Variants in GOLGA1 observed in about 807,000 individuals in gnomAD.
GOLGA1 encodes the protein golgin A1.
A neutral mutation model predicts 119.7 loss-of-function variants in GOLGA1; 63 were observed. The observed-to-expected ratio is 0.53, with a 90% confidence interval of 0.43 to 0.65. GOLGA1 has a LOEUF of 0.65. Among genes scored for constraint, GOLGA1 ranks in the 30% least tolerant of loss-of-function variants. GOLGA1 has a pLI of 0.00. For missense variants in GOLGA1, 798 were observed against 912.8 expected, an observed-to-expected ratio of 0.87 and a Z score of 1.62; for synonymous variants, 318 against 333.4, an observed-to-expected ratio of 0.95 and a Z score of 0.50.
At chr9:124,880,635 C>G (rs1829555007) in intron 22 of GOLGA1, 25 bp from the exon 23 acceptor site, 2 of 1,465,318 alleles carry the variant, frequency 1.4e-6, no homozygotes. Flanking sequence ...GAAAAGGCTT[C>G]TGAGATGCAA....
At chr9:124,944,622 GT>G (rs922443501), upstream of GOLGA1, 2 of 151,922 alleles carry the variant, frequency 1.3e-5, no homozygotes, top group African/African-American at 4.8e-5. Context: ...ACAGTACATA[GT>G]TTTAATTTAG....
intron 15 of GOLGA1, among the ~76,000 whole-genome samples, chr9:124,892,960 C>T (rs1203477590): frequency 2.0e-5 from 3 of 150,524 alleles, no homozygotes; most frequent in Non-Finnish European, 4.4e-5. Flanking sequence ...AAGTGTATTT[C>T]TTAAATGTAA....
At chr9:124,885,574 A>C (rs138396724) in intron 19 of GOLGA1, among the ~76,000 whole-genome samples, 1 of 26,106 alleles carries the variant, frequency 3.8e-5, no homozygotes, top group Non-Finnish European at 8.1e-5. Flanking sequence ...ATGGTGAGGG[A>C]GGGTGGGGTT....
At chr9:124,903,333 C>T (rs528354979) in intron 12 of GOLGA1, among the ~76,000 whole-genome samples, 2 of 152,224 alleles carry the variant, frequency 1.3e-5, no homozygotes, top group South Asian at 2.1e-4. Flanking sequence ...GCTAAAAATA[C>T]AAGGCGTGGT....
chr9:124,909,322 ATGGGGCTGGGAGCGG>A (rs1224581536), intron 11 of GOLGA1, among the ~76,000 whole-genome samples: 3 of 150,410 alleles, frequency 2.0e-5, no homozygotes, highest in African/African-American at 7.4e-5. Context: ...AAAAAAAAAA[ATGGGGCTGGGAGCGG>A]TGGTTCACGC....
chr9:124,893,018 G>A (rs1309439579), intron 15 of GOLGA1, among the ~76,000 whole-genome samples: 1 of 151,254 alleles, frequency 6.6e-6, no homozygotes, highest in Admixed American at 6.6e-5. Flanking sequence ...TTATGTTTTT[G>A]GAAATGGGTT....
chr9:124,890,156 T>C (rs1829822374), intron 16 of GOLGA1, among the ~76,000 whole-genome samples: 1 of 152,122 alleles, frequency 6.6e-6, no homozygotes, highest in South Asian at 2.1e-4. Context: ...CAGGTAATTA[T>C]AGTTGAAAAA....
In GOLGA1 at chr9:124,881,112, C is replaced by A. The variant is rs1829569777; in HGVS notation, c.2223+59G>T. On this transcript the variant is annotated intron_variant, in intron 22 of 22. Coordinates refer to ENST00000373555, the MANE Select transcript of GOLGA1 (RefSeq NM_002077.4). The surrounding 1 kb of genome is among the most constrained non-coding windows in gnomAD (Gnocchi z 4.9). ...GGGTCTAAGGGGTCTTACACTGCTACTGCTGGGATAACTGACAACGTATCT... is the reference window on the plus strand; with the variant it reads ...GGGTCTAAGGGGTCTTACACTGCTAATGCTGGGATAACTGACAACGTATCT... 5 of 918,252 alleles carry A rather than the reference C, an allele frequency of 5.4e-6. No individual in the cohort carries two copies. The South Asian group carries it at 6.5e-5, about 12-fold the overall frequency. The allele number at this position is 918,252 out of a possible 1,614,324, so 56.9% of individuals were successfully genotyped here.
intron 8 of GOLGA1, 61 bp from the exon 9 acceptor site, chr9:124,921,953 C>T (rs138934441): frequency 2.6e-5 from 37 of 1,405,166 alleles, no homozygotes; most frequent in Non-Finnish European, 3.7e-5. Flanking sequence ...TAAGATCAGG[C>T]ATGCTGGCTC....
chr9:124,931,546 T>TA (rs1364265269), intron 3 of GOLGA1, 140 bp from the exon 4 acceptor site: 2 of 598,626 alleles, frequency 3.3e-6, no homozygotes, highest in Non-Finnish European at 6.1e-6. Context: ...CTAGTTTCTC[T>TA]ACCTGGAAAG....
chr9:124,944,987 T>C (rs1005522964), upstream of GOLGA1: 6 of 152,176 alleles, frequency 3.9e-5, no homozygotes, highest in Non-Finnish European at 8.8e-5. Context: ...TTAGCTTTCA[T>C]TCCATAAGCC....
intron 6 of GOLGA1, among the ~76,000 whole-genome samples, chr9:124,927,271 C>A (rs1162240588): frequency 6.6e-6 from 1 of 152,092 alleles, no homozygotes; most frequent in Non-Finnish European, 1.5e-5. Flanking sequence ...AGAATTATGC[C>A]CCTTATTCAC....
intron 12 of GOLGA1, among the ~76,000 whole-genome samples, 195 bp from the exon 13 acceptor site, chr9:124,900,742 G>T (rs1377748022): frequency 6.6e-6 from 1 of 152,128 alleles, no homozygotes; most frequent in Non-Finnish European, 1.5e-5. Flanking sequence ...CTCTTTTAAT[G>T]ACTTTTGTTT....
intron 15 of GOLGA1, among the ~76,000 whole-genome samples, chr9:124,894,852 C>G (rs547712528): frequency 2.6e-5 from 4 of 152,140 alleles, no homozygotes; most frequent in Non-Finnish European, 5.9e-5. Context: ...ATATTTGCAG[C>G]AAATACAACA....
chr9:124,899,849 A>G (rs1830061874), intron 13 of GOLGA1, among the ~76,000 whole-genome samples: 2 of 152,180 alleles, frequency 1.3e-5, no homozygotes, highest in Admixed American at 1.3e-4. Context: ...CAGGGCTTTG[A>G]CAGGAGAAAG....
chr9:124,911,356 C>A (rs542065983), intron 11 of GOLGA1, among the ~76,000 whole-genome samples: 1 of 152,202 alleles, frequency 6.6e-6, no homozygotes, highest in Non-Finnish European at 1.5e-5. Context: ...TGGGCTTTGT[C>A]ACCTTTGTCA....
At chr9:124,944,452 A>G (rs1032106029), upstream of GOLGA1, 2 of 124,990 alleles carry the variant, frequency 1.6e-5, no homozygotes, top group Admixed American at 1.7e-4. Flanking sequence ...GGCGCACACC[A>G]CCATGCCTGG....
chr9:124,913,260 G>A (rs1830374610), intron 10 of GOLGA1, among the ~76,000 whole-genome samples: 1 of 152,174 alleles, frequency 6.6e-6, no homozygotes, highest in Non-Finnish European at 1.5e-5. Flanking sequence ...ATTACAATTT[G>A]AGATGAGACA....
At chr9:124,902,464 G>GAAGGAGAGGTAGACACAC (rs1830129609) in intron 12 of GOLGA1, among the ~76,000 whole-genome samples, 1 of 151,270 alleles carries the variant, frequency 6.6e-6, no homozygotes, top group African/African-American at 2.4e-5. Flanking sequence ...GCAGCTTGGT[G>GAAGGAGAGGTAGACACAC]AAGGAGAGGT....
Sources: allele counts gnomAD v4.1 joint callset (sites outside exome capture counted in the v4.1 genomes callset), GRCh38; gene constraint gnomAD v4.1.1; non-coding constraint Gnocchi (gnomAD v3.1); transcripts MANE v1.5; gene names NCBI Gene and HGNC (gene_info 2026-07-23, HGNC 2026-07-21).